The following CAPRIN2 variants were observed in gnomAD, a reference collection of about 807,000 sequenced individuals.
CAPRIN2 encodes the protein caprin family member 2.
CAPRIN2 carries 66 observed loss-of-function variants against 130.4 expected under a neutral mutation model. The ratio of observed to expected loss-of-function variants is 0.51; its 90% confidence interval spans 0.42 to 0.62. The LOEUF (loss-of-function observed/expected upper bound fraction) is 0.62. CAPRIN2 is among the 20% of genes least tolerant of loss of function. The pLI is 0.00. For synonymous variants in CAPRIN2, 471 were observed against 444.1 expected, an observed-to-expected ratio of 1.06 and a Z score of -0.76; for missense variants, 1,185 against 1,246.6, an observed-to-expected ratio of 0.95 and a Z score of 0.74.
At chr12:30,753,762 A>T in exon 1 of CAPRIN2, 1 of 1,601,156 alleles carries the variant, frequency 6.2e-7, no homozygotes, top group Non-Finnish European at 8.5e-7. Context: ...TTGTACTTCC[A>T]TCCTACTTTT....
In CAPRIN2 at chr12:30,710,560, A is replaced by T. The variant is rs754080744; in HGVS notation, c.2666-90T>A. 6.4e-7 allele frequency: 1 copy of T among 1,565,956 alleles called. No individual in the cohort carries two copies. ...ATTAGTCGGCTACTGAAACAGACAA[A>T]GATACATTTTATAGTAAATTCCAAA... On this transcript the variant is annotated intron_variant, in intron 16 of 16. Transcript: ENST00000298892. The surrounding 1 kb of genome is among the most constrained non-coding windows in gnomAD (Gnocchi z 4.8).
chr12:30,738,995 C>T (rs1367469411), intron 3 of CAPRIN2, among the ~76,000 whole-genome samples: 1 of 152,132 alleles, frequency 6.6e-6, no homozygotes. Context: ...AGCAGTGTGG[C>T]AATTCCTCAA....
At chr12:30,740,647 G>A (rs1251139265) in intron 3 of CAPRIN2, among the ~76,000 whole-genome samples, 1 of 152,090 alleles carries the variant, frequency 6.6e-6, no homozygotes, top group African/African-American at 2.4e-5. Flanking sequence ...TAAATAATGT[G>A]AAAGAAGCCT....
intron 15 of CAPRIN2, among the ~76,000 whole-genome samples, chr12:30,713,526 C>G (rs1238477060): frequency 6.6e-6 from 1 of 152,186 alleles, no homozygotes; most frequent in Non-Finnish European, 1.5e-5. Context: ...GGTGGAAGAG[C>G]AAATGAGTTA....
intron 3 of CAPRIN2, among the ~76,000 whole-genome samples, chr12:30,739,828 G>A (rs2066591377): frequency 6.6e-6 from 1 of 152,042 alleles, no homozygotes; most frequent in Non-Finnish European, 1.5e-5. Context: ...AAGTGGAGCT[G>A]CATAAGTGCC....
exon 8 of CAPRIN2, chr12:30,729,308 A>G (rs141931983): frequency 6.4e-7 from 1 of 1,564,900 alleles, no homozygotes; most frequent in Middle Eastern, 1.7e-4. Flanking sequence ...CTTCTGTCAT[A>G]TAGCGTCTGT....
chr12:30,740,715 CA>C (rs1196664311), intron 3 of CAPRIN2, among the ~76,000 whole-genome samples: 1 of 152,110 alleles, frequency 6.6e-6, no homozygotes, highest in Non-Finnish European at 1.5e-5. Context: ...TATACCTTGT[CA>C]AAAGTTTGAT....
chr12:30,751,909 ATTTTTTTTTTTTT>A (rs574883707), intron 1 of CAPRIN2, among the ~76,000 whole-genome samples: 52 of 87,866 alleles, frequency 5.9e-4, no homozygotes, highest in African/African-American at 1.8e-3. Flanking sequence ...CCACTATGGT[ATTTTTTTTTTTTT>A]TTTTTTTTTT....
In CAPRIN2 at chr12:30,751,112, C is replaced by A. The variant is rs777879615; in HGVS notation, c.442G>T (p.Asp148Tyr). 1.2e-5 allele frequency: 19 copies of A among 1,613,700 alleles called. No homozygotes were observed. The South Asian group carries it at 1.9e-4, about 16-fold the overall frequency. The change falls in exon 2 of 17, where the codon GAT (aspartate) becomes TAT (tyrosine). Residue 148 changes from aspartate to tyrosine, a missense_variant. Asp to Tyr is a radical substitution (Grantham distance 160, BLOSUM62 -3). Coordinates refer to ENST00000298892, the Ensembl canonical transcript of CAPRIN2. ...AGATGCTCTCCACTTTTCAGGCGAT[C>A]CTTATAATCCTCCAGTTTGAGCTAC...
At chr12:30,719,330 C>T in intron 12 of CAPRIN2, 105 bp from the exon 14 acceptor site, 2 of 1,264,674 alleles carry the variant, frequency 1.6e-6, no homozygotes, top group South Asian at 1.4e-5. Context: ...TTTAGGATGA[C>T]ATTTGGACAC....
chr12:30,753,654 G>A (rs2075046427), exon 1 of CAPRIN2: 3 of 1,613,986 alleles, frequency 1.9e-6, no homozygotes, highest in African/African-American at 1.3e-5. Flanking sequence ...AGGACTAGAG[G>A]GACACAGCCA....
chr12:30,716,784 G>T, intron 12 of CAPRIN2, 108 bp from the exon 15 acceptor site: 2 of 887,464 alleles, frequency 2.3e-6, no homozygotes, highest in Non-Finnish European at 3.5e-6. Flanking sequence ...TGCAGGCAAA[G>T]GACTTGAATA....
In CAPRIN2 at chr12:30,729,339, C is replaced by A. The variant is rs1342723660; in HGVS notation, c.1105-14G>T. The A allele has an allele frequency of 4.1e-5, 62 of 1,527,428 alleles. No individual in the cohort carries two copies. The highest frequency in any genetic ancestry group is 5.4e-5 in the Non-Finnish European group (62 of 1,140,992). The allele number at this position is 1,527,428 out of a possible 1,614,324, so 94.6% of individuals were successfully genotyped here. On this transcript the variant is annotated splice_polypyrimidine_tract_variant and intron_variant, in intron 7 of 16. Transcript: ENST00000298892. ...TCTGTTAAGAAACTAGATAGAGAAA[C>A]AATGCACTTAAGTCACAAAATTCAT... is the stretch of plus-strand genomic sequence containing the variant.
chr12:30,751,282 A>G, intron 1 of CAPRIN2, 149 bp from the exon 3 acceptor site: 1 of 644,920 alleles, frequency 1.6e-6, no homozygotes, highest in Non-Finnish European at 2.8e-6. Flanking sequence ...GCATGCAGCA[A>G]CTGTAGATGA....
chr12:30,728,876 G>A (rs757947278), exon 8 of CAPRIN2: 35 of 1,613,932 alleles, frequency 2.2e-5, no homozygotes, highest in Non-Finnish European at 2.8e-5. Context: ...CGCTCTGCAT[G>A]GAAGGTGTCC....
intron 3 of CAPRIN2, among the ~76,000 whole-genome samples, chr12:30,737,348 T>C (rs1460489861): frequency 6.6e-6 from 1 of 152,104 alleles, no homozygotes; most frequent in Non-Finnish European, 1.5e-5. Flanking sequence ...TGTTCACCAA[T>C]ATTCACTAAC....
intron 3 of CAPRIN2, among the ~76,000 whole-genome samples, chr12:30,738,282 C>T (rs1237828581): frequency 6.6e-6 from 1 of 151,376 alleles, no homozygotes; most frequent in African/African-American, 2.4e-5. Flanking sequence ...GAGTTGGGAG[C>T]TACCTCTAGA....
chr12:30,711,561 C>T lies in CAPRIN2; in HGVS notation c.2665+5G>A. The stretch of plus-strand genomic sequence containing the variant: ...TAAGAAAACTATTCAGCTAATTACC[C>T]TTACCTCTCGAATTTGCTCGTGGAC... On this transcript the variant is annotated splice_donor_5th_base_variant and intron_variant, in intron 16 of 16. Transcript: ENST00000298892. 3.7e-6 allele frequency: 6 copies of T among 1,610,426 alleles called. No homozygotes were observed. Among genetic ancestry groups the T allele is most frequent in the Non-Finnish European group, 5.1e-6 (6 of 1,176,650 alleles).
chr12:30,709,588 T>C (rs964649590), exon 17 of CAPRIN2: 12 of 220,772 alleles, frequency 5.4e-5, no homozygotes, highest in Non-Finnish European at 7.2e-5. Flanking sequence ...CAACAAGGCA[T>C]TGTAACTTGC....
Sources: gnomAD v4.1 joint callset for allele counts (sites outside exome capture counted in the v4.1 genomes callset) on GRCh38, gnomAD v4.1.1 for gene constraint, Gnocchi (gnomAD v3.1) non-coding constraint, MANE v1.5 for transcripts, NCBI Gene and HGNC (gene_info 2026-07-23, HGNC 2026-07-21) for gene names.